Variants in GART observed in about 807,000 individuals in gnomAD.
GART encodes trifunctional purine biosynthetic protein adenosine-3.
A neutral mutation model predicts 107.2 loss-of-function variants in GART; 43 were observed. That is an observed-to-expected ratio of 0.40 (90% confidence interval 0.31 to 0.52). The LOEUF (loss-of-function observed/expected upper bound fraction) is 0.52. GART is among the 20% of genes least tolerant of loss of function. The probability of loss-of-function intolerance (pLI) is 0.52; values close to 1 mark genes in which losing one functional copy is unlikely to be tolerated. For missense variants in GART, 1,107 were observed against 1,206.5 expected (o/e 0.92, Z 1.22); for synonymous variants, 434 against 427.0 (o/e 1.02, Z -0.20).
chr21:33,538,947 A>T (rs560505950), intron 2 of GART, among the ~76,000 whole-genome samples: 1 of 152,074 alleles, frequency 6.6e-6, no homozygotes, highest in East Asian at 1.9e-4. Context: ...CGCCCGGCTA[A>T]TTTTTTGTAT....
At chr21:33,539,440 C>T (rs2085367636) in intron 1 of GART, 84 bp from the exon 2 acceptor site, 1 of 1,056,932 alleles carries the variant, frequency 9.5e-7, no homozygotes, top group African/African-American at 1.6e-5. Flanking sequence ...TGCCTGTACC[C>T]CCAGCATTTT....
rs1331290810 is a variant in GART at position 33,511,302 on chromosome 21, T to C, written c.2264A>G (p.Gln755Arg). ...QTEQILRDIQ[Q>R]HKEEAWVIGS... ...AATCACCCAGGCTTCTTCCTTGTGC[T>C]GCTGGATATCCCTCAGAATCTGCTC... is the stretch of plus-strand genomic sequence containing the variant. Residue 755 changes from glutamine (Q) to arginine (R), a missense_variant, in exon 17 of 22, where the codon CAG becomes CGG. Transcript: ENST00000381815. 1.4e-5 allele frequency: 23 copies of C among 1,614,228 alleles called. No individual in the cohort carries two copies. Among genetic ancestry groups the C allele is most frequent in the Non-Finnish European group, 1.9e-5 (22 of 1,180,046 alleles).
chr21:33,535,176 T>G (rs2085279743), intron 3 of GART, 49 bp downstream of exon 3: 1 of 1,159,214 alleles, frequency 8.6e-7, no homozygotes, highest in South Asian at 1.6e-5. Flanking sequence ...ATCCCTAAGC[T>G]TCTGTTTGCA....
intron 2 of GART, among the ~76,000 whole-genome samples, chr21:33,538,846 T>C (rs1039705207): frequency 1.4e-4 from 22 of 152,280 alleles, no homozygotes; most frequent in African/African-American, 4.8e-4. Context: ...AGTGGCATGA[T>C]GTCAGCTTAC....
In GART at chr21:33,528,836, G is replaced by C. The variant is rs1209254770; in HGVS notation, c.811+14C>G. 2 of 1,572,920 alleles carry C rather than the reference G, an allele frequency of 1.3e-6. No homozygotes were observed. Among genetic ancestry groups the C allele is most frequent in the Non-Finnish European group, 1.7e-6 (2 of 1,146,730 alleles). On this transcript the variant is annotated intron_variant, in intron 8 of 21. Transcript: ENST00000381815. ...CTCTATAGGTGGCTTCCATAGTAATGTGGGTGGGCCTACCTGTATATGGAG... is the reference window on the plus strand; with the variant it reads ...CTCTATAGGTGGCTTCCATAGTAATCTGGGTGGGCCTACCTGTATATGGAG...
At chr21:33,525,042 A>G in intron 10 of GART, 42 bp from the exon 11 acceptor site, 3 of 1,584,260 alleles carry the variant, frequency 1.9e-6, no homozygotes, top group Non-Finnish European at 2.6e-6. Context: ...AAATAGCAAC[A>G]GTATTTCACA....
chr21:33,506,016 T>TTTATCTA lies in GART; in HGVS notation c.2540_2541insTAGATAA (p.Ala848ArgfsTer2). The TTTATCTA allele has an allele frequency of 6.2e-7, 1 of 1,614,218 alleles. No individual in the cohort carries two copies. Among genetic ancestry groups the TTTATCTA allele is most frequent in the Admixed American group, 1.7e-5 (1 of 60,018 alleles). The stretch of plus-strand genomic sequence containing the variant: ...CTCTTTCCGCTTTATCTAACCCAGC[T>TTTATCTA]ACTGCGGCTTTGTTGGAGATAACAA... On this transcript the variant is annotated stop_gained and frameshift_variant, in exon 19 of 22. Transcript: ENST00000381815. LOFTEE classifies it high-confidence loss of function.
Position 33,539,247 on chromosome 21 carries a change from CTG to C in GART, c.67_68del (p.Gln23ValfsTer20), listed in dbSNP as rs1439540604. 1 of 1,614,090 alleles carries C rather than the reference CTG, an allele frequency of 6.2e-7. No individual in the cohort carries two copies. The highest frequency in any genetic ancestry group is 8.5e-7 in the Non-Finnish European group (1 of 1,180,026). ...CCAACACTTGTTTGACATGATGAGA[CTG>C]TGCAAGTTTCCAGGCCAGCGTATGT... ...REHTLAWKLA[Q>X]SHHVKQVLVA... is the part of the protein sequence containing the mutation. On this transcript the variant is annotated frameshift_variant, in exon 2 of 22. Coordinates refer to ENST00000381815, the MANE Select transcript of GART (RefSeq NM_000819.5). LOFTEE classifies it high-confidence loss of function.
intron 20 of GART, 53 bp from the exon 21 acceptor site, chr21:33,504,580 G>T: frequency 3.9e-6 from 5 of 1,285,760 alleles, no homozygotes; most frequent in Non-Finnish European, 5.6e-6. Context: ...TGGGTATTCT[G>T]TTAAAGGAAT....
At position 33,504,547 on chromosome 21, in the gene GART, T is replaced by C. The variant is rs375247576; in HGVS notation, c.2726-20A>G. The C allele has an allele frequency of 1.3e-6, 2 of 1,541,382 alleles. No homozygotes were observed. The highest frequency in any genetic ancestry group is 4.5e-5 in the East Asian group (2 of 44,344). ...TTTTTCCTAAAAATTAAAAAAAGCA[T>C]AGTGGTCAGAATTTAAAAATCCTGG... On this transcript the variant is annotated intron_variant, in intron 20 of 21. Transcript: ENST00000381815.
chr21:33,542,715 T>C, upstream of GART: 1 of 199,238 alleles, frequency 5.0e-6, no homozygotes. Flanking sequence ...TTGCTCTTCT[T>C]CCTCTTCGCC....
intron 11 of GART, among the ~76,000 whole-genome samples, chr21:33,523,572 G>GT (rs1293889064): frequency 2.0e-5 from 3 of 152,174 alleles, no homozygotes; most frequent in African/African-American, 7.2e-5. Flanking sequence ...CTGCCTCTTG[G>GT]TAACAGTATA....
chr21:33,524,969 C>T lies in GART; in HGVS notation c.1098G>A (p.Glu366=). 6.2e-7 allele frequency: 1 copy of T among 1,614,178 alleles called. No individual in the cohort carries two copies. The highest frequency in any genetic ancestry group is 8.5e-7 in the Non-Finnish European group (1 of 1,180,036). The change falls in exon 11 of 22, where the codon GAG becomes GAA. Residue 366 remains glutamate (E), a synonymous_variant. Transcript: ENST00000381815. ...GFPEAQALGL[E]VFHAGTALKN... ...TGAGGGCAGTGCCTGCATGGAACAC[C>T]TCCAGTCCTAGAGCTTGAGCCTCAG...
rs575279372 is a variant in GART, at chr21:33,524,675, T to A, written c.1298+94A>T. The A allele has an allele frequency of 5.6e-5, 87 of 1,548,214 alleles. No homozygotes were observed. In the African/African-American group the frequency reaches 1.1e-3, roughly 19 times the overall value. On this transcript the variant is annotated intron_variant, in intron 11 of 21. Coordinates refer to ENST00000381815, the MANE Select transcript of GART (RefSeq NM_000819.5). ...TATCACTCCCACAGAGAGAAAAGAA[T>A]ACTGAATGACTTATAGGGTTAATGA...
chr21:33,535,329 A>AT lies in GART; in HGVS notation c.146-10_146-9insA, dbSNP rs2085283411. 1.3e-4 allele frequency: 144 copies of AT among 1,125,022 alleles called. No homozygotes were observed. Among genetic ancestry groups the AT allele is most frequent in the Middle Eastern group, 2.2e-4 (1 of 4,582 alleles). The allele number at this position is 1,125,022 out of a possible 1,614,324, so 69.7% of individuals were successfully genotyped here. A position where few individuals can be genotyped will look rare whatever the true frequency, so the allele number is the denominator to read the frequency against. ...GTCACTGATTGAGATGGCTGTAAAC[A>AT]GAAAAAAAAAAAAAAAAACCACTGC... On this transcript the variant is annotated splice_polypyrimidine_tract_variant and intron_variant, in intron 2 of 21. Transcript: ENST00000381815.
chr21:33,534,878 A>G (rs2085274474), intron 3 of GART, 125 bp from the exon 4 acceptor site: 2 of 771,742 alleles, frequency 2.6e-6, no homozygotes, highest in Non-Finnish European at 3.9e-6. Flanking sequence ...GCAGAGGATA[A>G]CTAACTTTTT....
rs2085038892 is a variant in GART at position 33,524,809 on chromosome 21, C to T, written c.1258G>A (p.Asp420Asn). Residue 420 changes from aspartate (D) to asparagine (N), a missense_variant, in exon 11 of 22, where the codon GAC becomes AAC. By Grantham distance (23) the Asp-to-Asn change is conservative (BLOSUM62 1). Transcript: ENST00000381815. The part of the protein sequence containing the change: ...IKFEGAIYRK[D>N]VGFRAIAFLQ... Reference sequence around the variant, plus strand: ...AAAGCTATGGCACGAAAGCCGACGTCTTTCCTATAAATTGCTCCCTCAAAC... The same window carrying T: ...AAAGCTATGGCACGAAAGCCGACGTTTTTCCTATAAATTGCTCCCTCAAAC... The T allele has an allele frequency of 6.2e-7, 1 of 1,614,132 alleles. No individual in the cohort carries two copies. The highest frequency in any genetic ancestry group is 8.5e-7 in the Non-Finnish European group (1 of 1,180,040).
intron 10 of GART, 80 bp downstream of exon 10, chr21:33,528,087 G>T: frequency 7.5e-7 from 1 of 1,334,670 alleles, no homozygotes; most frequent in Non-Finnish European, 1.1e-6. Context: ...TCGAGAGCAA[G>T]CCTTAGTGTG....
intron 4 of GART, 123 bp downstream of exon 4, chr21:33,534,456 A>T: frequency 1.1e-6 from 1 of 946,620 alleles, no homozygotes; most frequent in East Asian, 2.6e-5. Flanking sequence ...AGCTCAAGTG[A>T]TTCACCTGCC....
Sources: allele counts gnomAD v4.1 joint callset (sites outside exome capture counted in the v4.1 genomes callset), GRCh38; gene constraint gnomAD v4.1.1; transcripts MANE v1.5; gene names NCBI Gene and HGNC (gene_info 2026-07-23, HGNC 2026-07-21).